The following SPEN variants were observed in gnomAD, a reference collection of about 807,000 sequenced individuals.
The protein encoded by SPEN is msx2-interacting protein.
SPEN carries 18 observed loss-of-function variants against 269.9 expected under a neutral mutation model. The ratio of observed to expected loss-of-function variants is 0.07; its 90% CI spans 0.05 to 0.10. SPEN has a LOEUF of 0.10. Among genes scored for constraint, SPEN ranks in the 10% least tolerant of loss-of-function variants. The pLI is 1.00. For missense variants in SPEN, 3,822 were observed against 4,631.2 expected (o/e 0.83, Z 5.07); for synonymous variants, 1,726 against 1,765.7 (o/e 0.98, Z 0.56).
rs1290156801 is a variant in SPEN, at chr1:15,931,317, C to T, written c.5077C>T (p.Pro1693Ser). Reference protein sequence around the residue: ...AKPASEPAPAPVEQLEQVDLP... With the variant: ...AKPASEPAPASVEQLEQVDLP... Reference sequence around the variant, plus strand: ...GCCTGCATCTGAACCTGCTCCTGCCCCTGTGGAACAGCTGGAACAAGTAGA... The same window carrying T: ...GCCTGCATCTGAACCTGCTCCTGCCTCTGTGGAACAGCTGGAACAAGTAGA... Residue 1693 changes from proline (P) to serine (S), a missense_variant, in exon 11 of 15, where the codon CCT (proline) becomes TCT (serine). By Grantham distance (74) the Pro-to-Ser change is moderately conservative. Around this residue, in one of 16 missense-constraint regions of SPEN, gnomAD observed 533 missense variants for 618.8 expected, o/e 0.86. Coordinates refer to ENST00000375759, the MANE Select transcript of SPEN (RefSeq NM_015001.3). This position sits in a 1 kb window ranked among gnomAD's most constrained non-coding sequence, Gnocchi z 4.8. 6.2e-7 allele frequency: 1 copy of T among 1,614,062 alleles called. No homozygotes were observed. The highest frequency in any genetic ancestry group is 1.3e-5 in the African/African-American group (1 of 74,920).
At chr1:15,910,544 A>T (rs540943388) in intron 4 of SPEN, among the ~76,000 whole-genome samples, 12 of 152,054 alleles carry the variant, frequency 7.9e-5, no homozygotes, top group Non-Finnish European at 1.5e-4. Context: ...AACTCCCCTT[A>T]TATAATATCC....
chr1:15,894,738 C>T (rs1557746744), intron 3 of SPEN, among the ~76,000 whole-genome samples: 2 of 151,808 alleles, frequency 1.3e-5, no homozygotes, highest in Non-Finnish European at 2.9e-5. Flanking sequence ...CGGGGTTTCA[C>T]CATGTTGGCC....
Position 15,937,220 on chromosome 1 carries a change from C to G in SPEN, c.10084C>G (p.Pro3362Ala). 6.2e-7 allele frequency: 1 copy of G among 1,613,642 alleles called. No homozygotes were observed. Among genetic ancestry groups the G allele is most frequent in the Non-Finnish European group, 8.5e-7 (1 of 1,179,928 alleles). Reference protein sequence around the residue: ...QPPQPVQSTQPAQPAPPCPPS... With the variant: ...QPPQPVQSTQAAQPAPPCPPS... ...TCCTCAGCCTGTGCAGTCCACACAGCCTGCCCAGCCTGCACCACCCTGCCC... is the reference window on the plus strand; with the variant it reads ...TCCTCAGCCTGTGCAGTCCACACAGGCTGCCCAGCCTGCACCACCCTGCCC... The change falls in exon 12 of 15, where the codon CCT becomes GCT. Residue 3362 changes from proline to alanine, a missense_variant. Physicochemically the swap from Pro to Ala is conservative, Grantham distance 27. This residue lies in a region of SPEN where 359 missense variants were observed against 377.3 expected (regional missense o/e 0.95). Transcript: ENST00000375759. This position sits in a 1 kb window ranked among gnomAD's most constrained non-coding sequence, Gnocchi z 5.7.
intron 3 of SPEN, 43 bp from the exon 4 acceptor site, chr1:15,909,278 G>C (rs948902719): frequency 1.3e-6 from 2 of 1,575,354 alleles, no homozygotes; most frequent in East Asian, 2.2e-5. Context: ...CTCATTTTCT[G>C]TTTGTCTTTT....
At chr1:15,854,840 G>A (rs766652835) in intron 1 of SPEN, among the ~76,000 whole-genome samples, 1 of 151,990 alleles carries the variant, frequency 6.6e-6, no homozygotes, top group Non-Finnish European at 1.5e-5. Context: ...AATATGCTTT[G>A]CAGTGAGTGA....
chr1:15,909,737 T>A (rs1249478813), intron 4 of SPEN, among the ~76,000 whole-genome samples: 1 of 152,198 alleles, frequency 6.6e-6, no homozygotes, highest in Non-Finnish European at 1.5e-5. Context: ...GTTGAGCATG[T>A]AAACAAGTTA....
chr1:15,856,112 C>T (rs1338387281), intron 1 of SPEN, among the ~76,000 whole-genome samples: 1 of 149,930 alleles, frequency 6.7e-6, no homozygotes, highest in African/African-American at 2.5e-5. Flanking sequence ...GCGTCAGCCT[C>T]CCAAATAGCT....
chr1:15,900,741 TG>T (rs1162770382), intron 3 of SPEN, among the ~76,000 whole-genome samples: 1 of 152,158 alleles, frequency 6.6e-6, no homozygotes, highest in African/African-American at 2.4e-5. Context: ...TTTCAAAAGA[TG>T]GGAAAGCAGT....
chr1:15,882,921 C>T (rs1342483968), intron 3 of SPEN, among the ~76,000 whole-genome samples: 1 of 152,068 alleles, frequency 6.6e-6, no homozygotes, highest in Non-Finnish European at 1.5e-5. Flanking sequence ...CCCCCAGGGT[C>T]CAACCAAGTC....
intron 1 of SPEN, among the ~76,000 whole-genome samples, chr1:15,854,772 C>G (rs530833309): frequency 2.0e-5 from 3 of 152,024 alleles, no homozygotes; most frequent in Admixed American, 6.6e-5. Context: ...TGAGCCACCG[C>G]GACCGGCCAA....
intron 13 of SPEN, 147 bp from the exon 14 acceptor site, chr1:15,938,565 CTTTTTT>C (rs200567875): frequency 3.6e-4 from 85 of 239,014 alleles, no homozygotes; most frequent in East Asian, 6.0e-4. Context: ...TGAAAAAAAG[CTTTTTT>C]TTTTTTTTTT....
chr1:15,892,435 A>G (rs2070799545), intron 3 of SPEN, among the ~76,000 whole-genome samples: 1 of 152,240 alleles, frequency 6.6e-6, no homozygotes, highest in Non-Finnish European at 1.5e-5. Flanking sequence ...TAATGTCACA[A>G]AATAATTTGT....
chr1:15,908,454 G>A (rs921054267), intron 3 of SPEN, among the ~76,000 whole-genome samples: 1 of 150,524 alleles, frequency 6.6e-6, no homozygotes, highest in Non-Finnish European at 1.5e-5. Flanking sequence ...ATGGAGTCTT[G>A]CTCTGTCACC....
chr1:15,933,666 A>G lies in SPEN; in HGVS notation c.7426A>G (p.Thr2476Ala), dbSNP rs2071244950. 1 of 1,614,030 alleles carries G rather than the reference A, an allele frequency of 6.2e-7. No individual in the cohort carries two copies. The highest frequency in any genetic ancestry group is 8.5e-7 in the Non-Finnish European group (1 of 1,179,992). The change falls in exon 11 of 15, where the codon ACT (threonine) becomes GCT (alanine). Residue 2476 changes from threonine to alanine, a missense_variant. By Grantham distance (58) the Thr-to-Ala change is moderately conservative. Transcript: ENST00000375759. The surrounding 1 kb of genome is among the most constrained non-coding windows in gnomAD (Gnocchi z 5.7). Reference sequence around the variant, plus strand: ...CCCCATACCCACACTGCCTTCTGTAACTGCAGCAAAGCTCTCACCTCCTGT... The same window carrying G: ...CCCCATACCCACACTGCCTTCTGTAGCTGCAGCAAAGCTCTCACCTCCTGT... ...SIPIPTLPSV[T>A]AAKLSPPVAS...
At chr1:15,853,161 A>G (rs2070353064) in intron 1 of SPEN, among the ~76,000 whole-genome samples, 1 of 151,438 alleles carries the variant, frequency 6.6e-6, no homozygotes, top group Non-Finnish European at 1.5e-5. Context: ...CTTTGCTTTT[A>G]TTTTTATTTT....
At chr1:15,913,914 T>G (rs2071033935) in intron 5 of SPEN, among the ~76,000 whole-genome samples, 1 of 152,142 alleles carries the variant, frequency 6.6e-6, no homozygotes, top group Admixed American at 6.5e-5. Flanking sequence ...TTGGTGGGAA[T>G]GAAGCCGTTA....
chr1:15,880,701 C>T (rs2070679165), intron 3 of SPEN, among the ~76,000 whole-genome samples: 1 of 152,102 alleles, frequency 6.6e-6, no homozygotes, highest in Non-Finnish European at 1.5e-5. Flanking sequence ...AAGTGATCCA[C>T]CCACCTCAGC....
rs190135876 is a variant in SPEN at position 15,939,064 on chromosome 1, C to T, written c.10863+188C>T. Among the ~76,000 whole-genome samples the T allele has an allele frequency of 2.0e-5, 3 of 152,194 alleles. No homozygotes were observed. The highest frequency in any genetic ancestry group is 4.8e-5 in the African/African-American group (2 of 41,446). ...CCATCCTGAAGAGAACCCAGGGAAC[C>T]GCTGAGAACACAGGTTTTCCATGAG... On this transcript the variant is annotated intron_variant, in intron 14 of 14. Transcript: ENST00000375759. The surrounding 1 kb of genome is among the most constrained non-coding windows in gnomAD (Gnocchi z 4.1).
At position 15,873,013 on chromosome 1, in the gene SPEN, C is replaced by A; in HGVS notation, c.281C>A (p.Thr94Lys). The change falls in exon 2 of 15, where the codon ACA (threonine) becomes AAA (lysine). Residue 94 changes from threonine to lysine, a missense_variant. Physicochemically the swap from Thr to Lys is moderately conservative, Grantham distance 78 (BLOSUM62 -1). This residue lies in a region of SPEN where 327 missense variants were observed against 350.8 expected (regional missense o/e 0.93). Transcript: ENST00000375759. ...AGTGCTGCTCGGGGATTGGATGATA[C>A]AGTTTCCATAGCATCTCGTAGTAGA... ...IPSAARGLDD[T>K]VSIASRSREV... The A allele has an allele frequency of 3.1e-6, 5 of 1,614,138 alleles. No homozygotes were observed. Among genetic ancestry groups the A allele is most frequent in the Non-Finnish European group, 4.2e-6 (5 of 1,180,046 alleles).
Sources: allele counts gnomAD v4.1 joint callset (sites outside exome capture counted in the v4.1 genomes callset), GRCh38; gene constraint gnomAD v4.1.1; regional missense constraint gnomAD v4.1.1; non-coding constraint Gnocchi (gnomAD v3.1); transcripts MANE v1.5; gene names NCBI Gene and HGNC (gene_info 2026-07-23, HGNC 2026-07-21).